Variants in SNTB1 observed in about 807,000 individuals in gnomAD.
The protein encoded by SNTB1 is beta-1-syntrophin.
Under a neutral mutation model 48.9 loss-of-function variants are expected in SNTB1, and 36 were observed. The ratio of observed to expected loss-of-function variants is 0.74; its 90% CI spans 0.56 to 0.97. The LOEUF is 0.97. SNTB1 is among the 50% of genes least tolerant of loss of function. The pLI is 0.00. For missense variants in SNTB1, 786 were observed against 703.4 expected (o/e 1.12, Z -1.33); for synonymous variants, 299 against 294.6 (o/e 1.01, Z -0.15).
chr8:120,584,742 G>A (rs1052598171), intron 3 of SNTB1, among the ~76,000 whole-genome samples: 16 of 152,114 alleles, frequency 1.1e-4, no homozygotes, highest in African/African-American at 3.6e-4. Context: ...CGTCGCAGAT[G>A]TAATCAGTTA....
chr8:120,805,564 A>AC (rs1240634275), intron 1 of SNTB1, among the ~76,000 whole-genome samples: 1 of 152,166 alleles, frequency 6.6e-6, no homozygotes, highest in African/African-American at 2.4e-5. Context: ...AAATTAAAAA[A>AC]AAAAGGTTCT....
rs542961126 is a variant in SNTB1, at chr8:120,602,724, A to G, written c.997-27499T>C. On this transcript the variant is annotated intron_variant, in intron 3 of 6. Transcript: ENST00000517992. Reference sequence around the variant, plus strand: ...TGATACACTACATAAACACAATCTAATATTTTCTATTCTATTTAATTAAGA... The same window carrying G: ...TGATACACTACATAAACACAATCTAGTATTTTCTATTCTATTTAATTAAGA... Among the ~76,000 whole-genome samples the G allele has an allele frequency of 3.9e-5, 6 of 152,096 alleles. No individual in the cohort carries two copies. In the East Asian group the frequency reaches 1.2e-3, roughly 29 times the overall value.
In SNTB1 at chr8:120,811,833, G is replaced by A. The variant is rs1820443634; in HGVS notation, c.11C>T (p.Ala4Val). 2 of 1,347,330 alleles carry A rather than the reference G, an allele frequency of 1.5e-6. No homozygotes were observed. Among genetic ancestry groups the A allele is most frequent in the Non-Finnish European group, 1.9e-6 (2 of 1,053,286 alleles). 83.5% of individuals were successfully genotyped at this position (1,347,330 alleles called of 1,614,324 possible). A position where few individuals can be genotyped will look rare whatever the true frequency, so the allele number is the denominator to read the frequency against. MAV[A>V]AAAAAAGPAG... ...CGGCCCAGCCGCCGCCGCCGCCGCC[G>A]CTACCGCCATCTTTCCGGCATTCTT... Residue 4 changes from alanine to valine, a missense_variant, in exon 1 of 7, where the codon GCG (alanine) becomes GTG (valine). By Grantham distance (64) the Ala-to-Val change is moderately conservative. Coordinates refer to ENST00000517992, the MANE Select transcript of SNTB1 (RefSeq NM_021021.4).
Position 120,585,050 on chromosome 8 carries a change from T to C in SNTB1, c.997-9825A>G, listed in dbSNP as rs564209829. Among the ~76,000 whole-genome samples the C allele has an allele frequency of 3.3e-5, 5 of 152,240 alleles. No individual in the cohort carries two copies. The East Asian group carries it at 5.8e-4, about 18-fold the overall frequency. On this transcript the variant is annotated intron_variant, in intron 3 of 6. Coordinates refer to ENST00000517992, the MANE Select transcript of SNTB1 (RefSeq NM_021021.4). ...TCTAGCCTCCAGAACTGTGAGACTA[T>C]ACATTTCTGTAGTGTAAGCCACCCA...
At chr8:120,748,523 G>A (rs544778823) in intron 1 of SNTB1, among the ~76,000 whole-genome samples, 1 of 152,186 alleles carries the variant, frequency 6.6e-6, no homozygotes, top group South Asian at 2.1e-4. Context: ...GGATCAGGGG[G>A]ACTTTGACTT....
chr8:120,545,445 G>A (rs1031814439), intron 5 of SNTB1, among the ~76,000 whole-genome samples: 1 of 152,172 alleles, frequency 6.6e-6, no homozygotes. Flanking sequence ...GAACCACCTG[G>A]AATCTTGTTA....
intron 1 of SNTB1, among the ~76,000 whole-genome samples, chr8:120,735,427 C>G (rs1191447282): frequency 6.6e-6 from 1 of 152,140 alleles, no homozygotes; most frequent in Non-Finnish European, 1.5e-5. Context: ...CCTAACCCCC[C>G]AGGACCACAG....
chr8:120,548,418 C>T lies in SNTB1; in HGVS notation c.1333+344G>A, dbSNP rs145429571. Among the ~76,000 whole-genome samples, 1,216 of 152,232 alleles carry T rather than the reference C, an allele frequency of 8.0e-3. 22 individuals carry two copies. The highest frequency in any genetic ancestry group is 0.028 in the African/African-American group (1,157 of 41,538). Reference sequence around the variant, plus strand: ...TAATTTTATTCTGTGATAGATTACTCGGAATCAGTTTCTGTTGTTTGTAAC... The same window carrying T: ...TAATTTTATTCTGTGATAGATTACTTGGAATCAGTTTCTGTTGTTTGTAAC... On this transcript the variant is annotated intron_variant, in intron 5 of 6. Transcript: ENST00000517992.
chr8:120,711,395 C>T (rs925019048), intron 1 of SNTB1, among the ~76,000 whole-genome samples: 7 of 151,988 alleles, frequency 4.6e-5, no homozygotes, highest in African/African-American at 1.7e-4. Flanking sequence ...CATTTCAAGG[C>T]CTCACAGCTC....
At chr8:120,582,517 A>G (rs1469181778) in intron 3 of SNTB1, among the ~76,000 whole-genome samples, 1 of 152,218 alleles carries the variant, frequency 6.6e-6, no homozygotes, top group African/African-American at 2.4e-5. Context: ...ATCATGATCA[A>G]TAAACCTCTA....
chr8:120,596,547 C>A (rs1587016774), intron 3 of SNTB1, among the ~76,000 whole-genome samples: 1 of 103,058 alleles, frequency 9.7e-6, no homozygotes, highest in African/African-American at 4.3e-5. Context: ...TGTCTGGAGG[C>A]CCTAGAGGAG....
At chr8:120,657,929 G>A (rs1346659473) in intron 2 of SNTB1, among the ~76,000 whole-genome samples, 1 of 152,132 alleles carries the variant, frequency 6.6e-6, no homozygotes, top group Non-Finnish European at 1.5e-5. Flanking sequence ...TAATGTGAGA[G>A]AATCATTTGT....
At chr8:120,609,132 A>C (rs1424366097) in intron 3 of SNTB1, among the ~76,000 whole-genome samples, 1 of 152,266 alleles carries the variant, frequency 6.6e-6, no homozygotes, top group African/African-American at 2.4e-5. Flanking sequence ...TATAGACTGC[A>C]TAGTAAGTCT....
At chr8:120,637,613 C>A in intron 2 of SNTB1, 1 of 249,982 alleles carries the variant, frequency 4.0e-6, no homozygotes. Flanking sequence ...CTGCAGCTCC[C>A]AAGCATAAAA....
At chr8:120,633,342 A>G (rs1339004877) in intron 2 of SNTB1, among the ~76,000 whole-genome samples, 1 of 152,194 alleles carries the variant, frequency 6.6e-6, no homozygotes, top group Non-Finnish European at 1.5e-5. Context: ...ACGCTGGCTC[A>G]TGACTGTAAT....
At chr8:120,740,979 G>A (rs1439253948) in intron 1 of SNTB1, among the ~76,000 whole-genome samples, 1 of 152,178 alleles carries the variant, frequency 6.6e-6, no homozygotes, top group African/African-American at 2.4e-5. Flanking sequence ...CTCCCAGCTA[G>A]TCAGTGGTTG....
intron 3 of SNTB1, among the ~76,000 whole-genome samples, chr8:120,631,735 A>C (rs1816983924): frequency 6.6e-6 from 1 of 152,130 alleles, no homozygotes; most frequent in Admixed American, 6.5e-5. Flanking sequence ...TATCTTTAAC[A>C]TATCACATAA....
intron 3 of SNTB1, among the ~76,000 whole-genome samples, chr8:120,576,302 A>G (rs1237467392): frequency 1.3e-5 from 2 of 152,262 alleles, no homozygotes; most frequent in East Asian, 1.9e-4. Flanking sequence ...TCAAAAATCT[A>G]TTCAGAATCA....
chr8:120,591,799 A>T (rs1816243915), intron 3 of SNTB1, among the ~76,000 whole-genome samples: 1 of 152,110 alleles, frequency 6.6e-6, no homozygotes, highest in South Asian at 2.1e-4. Context: ...GTGTGCAAAG[A>T]GTGTGATTTA....
Sources: gnomAD v4.1 joint callset for allele counts (sites outside exome capture counted in the v4.1 genomes callset) on GRCh38, gnomAD v4.1.1 for gene constraint, MANE v1.5 for transcripts, NCBI Gene and HGNC (gene_info 2026-07-23, HGNC 2026-07-21) for gene names.